ACKR3: variants seen among roughly 807,000 people sequenced by gnomAD.
ACKR3 encodes atypical chemokine receptor 3, also known as C-X-C chemokine receptor type 7.
Under a neutral mutation model 22.4 loss-of-function variants are expected in ACKR3, and 6 were observed. The ratio of observed to expected loss-of-function variants is 0.27; its 90% CI spans 0.15 to 0.53. The LOEUF (loss-of-function observed/expected upper bound fraction) is 0.53, where lower values mean the gene tolerates loss of function less well. Among genes scored for constraint, ACKR3 ranks in the 20% least tolerant of loss-of-function variants. The pLI, the probability that ACKR3 is intolerant of heterozygous loss-of-function variation, is 0.96. For missense variants in ACKR3, 396 were observed against 475.2 expected (o/e 0.83, Z 1.55); for synonymous variants, 209 against 205.2 (o/e 1.02, Z -0.16).
chr2:236,580,609 C>T lies in ACKR3; in HGVS notation c.144C>T (p.Ser48=). ...PNKSVLLYTL[S]FIYIFIFVIG... ...AAAGCGTCCTGCTCTACACGCTCTC[C>T]TTCATTTACATTTTCATCTTCGTCA... is the stretch of plus-strand genomic sequence containing the variant. Residue 48 remains serine (S), a synonymous_variant, in exon 2 of 2, where the codon TCC becomes TCT. Transcript: ENST00000272928. 1.9e-6 allele frequency: 3 copies of T among 1,613,816 alleles called. No individual in the cohort carries two copies. The highest frequency in any genetic ancestry group is 2.5e-6 in the Non-Finnish European group (3 of 1,179,842).
chr2:236,581,787 G>T lies in ACKR3; in HGVS notation c.*233G>T, dbSNP rs1691545912. The T allele has an allele frequency of 2.3e-6, 1 of 440,042 alleles. No individual in the cohort carries two copies. The highest frequency in any genetic ancestry group is 5.8e-5 in the South Asian group (1 of 17,194). 27.3% of individuals were successfully genotyped at this position (440,042 alleles called of 1,614,324 possible). ...CAGAGCTGTGTCGCACAGCAGTGCT[G>T]TGCGTCAGAGCCAGCTGAGGACAGG... On this transcript the variant is annotated 3_prime_UTR_variant, in exon 2 of 2. Transcript: ENST00000272928. This position sits in a 1 kb window ranked among gnomAD's most constrained non-coding sequence, Gnocchi z 4.4.
At chr2:236,555,087 C>T in the ACKR3 span, among the ~76,000 whole-genome samples, 2 of 152,244 alleles carry the variant, frequency 1.3e-5, no homozygotes, top group Non-Finnish European at 2.9e-5. Context: ...AGGTGGCCTC[C>T]ACTTCCTGTC....
the ACKR3 span, among the ~76,000 whole-genome samples, chr2:236,562,324 A>G: frequency 8.6e-4 from 131 of 152,322 alleles, 1 homozygote; most frequent in African/African-American, 3.0e-3. Context: ...AGTATATCGT[A>G]CATATGTTGG....
the ACKR3 span, among the ~76,000 whole-genome samples, chr2:236,539,504 G>A: frequency 5.3e-5 from 8 of 151,524 alleles, no homozygotes; most frequent in African/African-American, 1.7e-4. Context: ...GTAGAGGTAG[G>A]GTTTCACCAT....
In ACKR3 at chr2:236,582,250, T is replaced by C. The variant is rs1691557816; in HGVS notation, c.*696T>C. On this transcript the variant is annotated 3_prime_UTR_variant, in exon 2 of 2. Transcript: ENST00000272928. ...TTACATTTTAAAATAAACAAAAAAC[T>C]GTTCTGGACTGCAAATCTGCACACA... 1 of 167,062 alleles carries C rather than the reference T, an allele frequency of 6.0e-6. No individual in the cohort carries two copies. Among genetic ancestry groups the C allele is most frequent in the African/African-American group, 2.4e-5 (1 of 41,452 alleles). 10.3% of individuals were successfully genotyped at this position (167,062 alleles called of 1,614,324 possible). A position where few individuals can be genotyped will look rare whatever the true frequency, so the allele number is the denominator to read the frequency against.
chr2:236,551,367 C>T, the ACKR3 span, among the ~76,000 whole-genome samples: 1 of 152,208 alleles, frequency 6.6e-6, no homozygotes, highest in Admixed American at 6.5e-5. Flanking sequence ...CCCCCAAGTC[C>T]AGCCTTGTGG....
upstream of ACKR3, among the ~76,000 whole-genome samples, chr2:236,565,638 C>T (rs116570959): frequency 9.8e-3 from 1,499 of 152,274 alleles, 34 homozygotes; most frequent in African/African-American, 0.034. Context: ...TCCTGTGCTG[C>T]GTGAAGTTTG....
At chr2:236,554,609 C>T in the ACKR3 span, among the ~76,000 whole-genome samples, 1 of 152,156 alleles carries the variant, frequency 6.6e-6, no homozygotes, top group South Asian at 2.1e-4. Context: ...TCCTCTTGGG[C>T]ACCAAGAAAG....
chr2:236,542,690 C>T, the ACKR3 span, among the ~76,000 whole-genome samples: 369 of 151,968 alleles, frequency 2.4e-3, 2 homozygotes, highest in African/African-American at 8.6e-3. Context: ...GACTGGGACC[C>T]CCTCTCTTCA....
chr2:236,567,729 C>T (rs1691215146), upstream of ACKR3: 2 of 152,322 alleles, frequency 1.3e-5, no homozygotes, highest in South Asian at 4.1e-4. Context: ...CTGGAAGCCT[C>T]CAGCAGCCCC....
the ACKR3 span, among the ~76,000 whole-genome samples, chr2:236,537,401 A>G: frequency 6.6e-6 from 1 of 152,296 alleles, no homozygotes; most frequent in African/African-American, 2.4e-5. Context: ...CTCCATGAAT[A>G]GGCTTGGGGC....
chr2:236,578,253 C>A (rs1214181490), intron 1 of ACKR3, among the ~76,000 whole-genome samples: 1 of 152,204 alleles, frequency 6.6e-6, no homozygotes, highest in African/African-American at 2.4e-5. Context: ...CAGCTCCCTG[C>A]TGGGCCTACG....
the ACKR3 span, among the ~76,000 whole-genome samples, chr2:236,555,007 G>C: frequency 6.6e-6 from 1 of 152,310 alleles, no homozygotes; most frequent in East Asian, 1.9e-4. Flanking sequence ...CCGTCCTCAG[G>C]GTTTAAATCT....
the ACKR3 span, among the ~76,000 whole-genome samples, chr2:236,548,841 C>T: frequency 1.3e-5 from 2 of 152,192 alleles, no homozygotes; most frequent in Non-Finnish European, 2.9e-5. This position sits in a 1 kb window ranked among gnomAD's most constrained non-coding sequence, Gnocchi z 4.3. Flanking sequence ...GGATGAGTTT[C>T]TTGCCAACTA....
At chr2:236,563,522 A>G (rs1202938462), upstream of ACKR3, among the ~76,000 whole-genome samples, 2 of 152,208 alleles carry the variant, frequency 1.3e-5, no homozygotes, top group Admixed American at 6.5e-5. Flanking sequence ...TAAAGCAATT[A>G]TATTTAAGCC....
intron 1 of ACKR3, among the ~76,000 whole-genome samples, chr2:236,573,999 G>GCCACC (rs1267371310): frequency 2.0e-5 from 3 of 152,022 alleles, no homozygotes; most frequent in Non-Finnish European, 4.4e-5. Flanking sequence ...TCCCCCATAA[G>GCCACC]CCACCAGAGT....
chr2:236,562,783 G>C, the ACKR3 span, among the ~76,000 whole-genome samples: 9 of 152,248 alleles, frequency 5.9e-5, no homozygotes, highest in East Asian at 1.2e-3. Flanking sequence ...TGACCAGTTT[G>C]GATACTGTCA....
At chr2:236,537,684 A>G in the ACKR3 span, among the ~76,000 whole-genome samples, 1 of 152,106 alleles carries the variant, frequency 6.6e-6, no homozygotes, top group African/African-American at 2.4e-5. Flanking sequence ...CTTTAATTTT[A>G]TGTTTTTACC....
the ACKR3 span, among the ~76,000 whole-genome samples, chr2:236,560,539 C>T: frequency 1.3e-5 from 2 of 151,796 alleles, no homozygotes; most frequent in African/African-American, 2.4e-5. Flanking sequence ...TTCTTTTTTT[C>T]CCTGTCGAGT....
Sources: allele counts gnomAD v4.1 joint callset (sites outside exome capture counted in the v4.1 genomes callset), GRCh38; gene constraint gnomAD v4.1.1; non-coding constraint Gnocchi (gnomAD v3.1); transcripts MANE v1.5; gene names NCBI Gene and HGNC (gene_info 2026-07-23, HGNC 2026-07-21).